PPP2R2C: variants seen among roughly 807,000 people sequenced by gnomAD.
PPP2R2C encodes protein phosphatase 2 regulatory subunit Bgamma.
PPP2R2C carries 10 observed loss-of-function variants against 45.3 expected under a neutral mutation model. That is an observed-to-expected ratio of 0.22 (90% CI 0.14 to 0.37). The LOEUF (loss-of-function observed/expected upper bound fraction) is 0.37. Ranked by LOEUF, PPP2R2C falls within the 10% of genes least tolerant of loss-of-function variation. PPP2R2C has a pLI of 1.00. For missense variants in PPP2R2C, 308 were observed against 619.7 expected (o/e 0.50, Z 5.34); for synonymous variants, 257 against 245.4 (o/e 1.05, Z -0.44).
chr4:6,462,195 C>G (rs1721362250), intron 1 of PPP2R2C, among the ~76,000 whole-genome samples: 1 of 152,222 alleles, frequency 6.6e-6, no homozygotes, highest in Non-Finnish European at 1.5e-5. Context: ...GGAATCCAGG[C>G]ACAAATTAGG....
chr4:6,533,724 C>A (rs1201696925), intron 2 of PPP2R2C, among the ~76,000 whole-genome samples: 7 of 152,150 alleles, frequency 4.6e-5, no homozygotes, highest in African/African-American at 1.7e-4. Context: ...GATGGCAGCA[C>A]GTTATTTATA....
intron 5 of PPP2R2C, chr4:6,351,392 C>T: frequency 1.0e-5 from 10 of 983,688 alleles, no homozygotes; most frequent in Non-Finnish European, 1.2e-5. Flanking sequence ...GTGGCAAACA[C>T]ACCCGAGCCA....
intron 1 of PPP2R2C, among the ~76,000 whole-genome samples, chr4:6,432,159 C>T (rs1358792661): frequency 6.6e-6 from 1 of 152,230 alleles, no homozygotes; most frequent in African/African-American, 2.4e-5. Flanking sequence ...TCTCTGGCTA[C>T]TCAGTCCCTC....
chr4:6,477,771 CTT>C (rs1722214717), intron 2 of PPP2R2C, among the ~76,000 whole-genome samples: 1 of 150,408 alleles, frequency 6.6e-6, no homozygotes, highest in Non-Finnish European at 1.5e-5. Context: ...TGGACCTCCT[CTT>C]TGTCTGCACT....
intron 1 of PPP2R2C, among the ~76,000 whole-genome samples, chr4:6,544,899 T>C (rs1724928142): frequency 6.6e-6 from 1 of 152,226 alleles, no homozygotes; most frequent in South Asian, 2.1e-4. Context: ...TTATTTTGTG[T>C]TGCTCCTACT....
Position 6,472,241 on chromosome 4 carries a change from C to T in PPP2R2C, c.-12G>A. 4 of 1,612,442 alleles carry T rather than the reference C, an allele frequency of 2.5e-6. No individual in the cohort carries two copies. The highest frequency in any genetic ancestry group is 3.4e-6 in the Non-Finnish European group (4 of 1,179,010). Reference sequence around the variant, plus strand: ...GTGTCCTCGCCCATTGAAGGCCGTGCCCGGTGCTCTGGGCATGCCCCGCCG... The same window carrying T: ...GTGTCCTCGCCCATTGAAGGCCGTGTCCGGTGCTCTGGGCATGCCCCGCCG... On this transcript the variant is annotated 5_prime_UTR_variant, in exon 1 of 9. Coordinates refer to ENST00000382599, the MANE Select transcript of PPP2R2C (RefSeq NM_020416.4).
At chr4:6,362,420 G>A (rs974654811) in intron 5 of PPP2R2C, among the ~76,000 whole-genome samples, 7 of 152,138 alleles carry the variant, frequency 4.6e-5, no homozygotes, top group African/African-American at 1.2e-4. Flanking sequence ...GGCCAGGGTC[G>A]CACACCTCTA....
rs1016407153 is a variant in PPP2R2C, at chr4:6,562,269, G to A, written c.-59+1291C>T. Reference sequence around the variant, plus strand: ...GCAACGGGCCCCACTCCCTGCCACAGCCCGTCCCCTCCATGTTGCTGACAG... The same window carrying A: ...GCAACGGGCCCCACTCCCTGCCACAACCCGTCCCCTCCATGTTGCTGACAG... On this transcript the variant is annotated intron_variant, in intron 1 of 9. Transcript: ENST00000506140. Among the ~76,000 whole-genome samples, 3 of 152,170 alleles carry A rather than the reference G, an allele frequency of 2.0e-5. No individual in the cohort carries two copies. The East Asian group carries it at 5.8e-4, about 29-fold the overall frequency.
chr4:6,381,384 A>C, intron 1 of PPP2R2C: 1 of 1,465,116 alleles, frequency 6.8e-7, no homozygotes, highest in Non-Finnish European at 9.1e-7. Context: ...TGGACACTCT[A>C]TGGGACTCAC....
intron 3 of PPP2R2C, among the ~76,000 whole-genome samples, chr4:6,376,510 T>C (rs1715316217): frequency 6.6e-6 from 1 of 151,904 alleles, no homozygotes; most frequent in African/African-American, 2.4e-5. Context: ...TGGAGTGCAG[T>C]GGCACCATCT....
chr4:6,372,259 C>G (rs1714891341), intron 5 of PPP2R2C, among the ~76,000 whole-genome samples: 1 of 152,220 alleles, frequency 6.6e-6, no homozygotes, highest in South Asian at 2.1e-4. Context: ...TTGTGAGGCC[C>G]TAGGATGAGG....
chr4:6,410,789 C>T (rs1298085999), intron 1 of PPP2R2C, among the ~76,000 whole-genome samples: 1 of 152,134 alleles, frequency 6.6e-6, no homozygotes, highest in Non-Finnish European at 1.5e-5. Context: ...GAACATTGAT[C>T]TCACTAGATC....
At chr4:6,404,466 A>G (rs1717654966) in intron 1 of PPP2R2C, among the ~76,000 whole-genome samples, 1 of 152,212 alleles carries the variant, frequency 6.6e-6, no homozygotes, top group African/African-American at 2.4e-5. Context: ...CTTTGCAGAT[A>G]CAAAGTGTGT....
rs143109305 is a variant in PPP2R2C at position 6,403,326 on chromosome 4, G to A, written c.71-22232C>T. Among the ~76,000 whole-genome samples the A allele has an allele frequency of 3.5e-3, 535 of 152,310 alleles. 7 individuals are homozygous for A. The highest frequency in any genetic ancestry group is 0.012 in the African/African-American group (509 of 41,544). ...GCGGAGCGGAGCCCCTTAGAAACTGGTTTGGCAACAAGAATTACTCCCTGG... is the reference window on the plus strand; with the variant it reads ...GCGGAGCGGAGCCCCTTAGAAACTGATTTGGCAACAAGAATTACTCCCTGG... On this transcript the variant is annotated intron_variant, in intron 1 of 8. Coordinates refer to ENST00000382599, the MANE Select transcript of PPP2R2C (RefSeq NM_020416.4).
intron 1 of PPP2R2C, among the ~76,000 whole-genome samples, chr4:6,540,638 G>C (rs1023374154): frequency 8.5e-5 from 13 of 152,222 alleles, no homozygotes; most frequent in African/African-American, 3.1e-4. Flanking sequence ...TTAACCTTTT[G>C]AGGAACTGCC....
At chr4:6,450,174 C>T (rs551375488) in intron 1 of PPP2R2C, among the ~76,000 whole-genome samples, 310 of 152,266 alleles carry the variant, frequency 2.0e-3, no homozygotes, top group Non-Finnish European at 3.3e-3. Context: ...GTGCAGCCCT[C>T]GGCAAGAAGC....
chr4:6,502,274 C>T (rs1723083855), intron 2 of PPP2R2C, among the ~76,000 whole-genome samples: 1 of 152,202 alleles, frequency 6.6e-6, no homozygotes, highest in Non-Finnish European at 1.5e-5. Flanking sequence ...ACTTGAAGTC[C>T]ACAGGGGCTT....
chr4:6,482,739 G>A (rs950176833), intron 2 of PPP2R2C, among the ~76,000 whole-genome samples: 4 of 152,110 alleles, frequency 2.6e-5, no homozygotes, highest in Non-Finnish European at 4.4e-5. Context: ...CTGTCTAGTC[G>A]TTAGTTCCAA....
At chr4:6,539,434 C>T (rs534545521) in intron 1 of PPP2R2C, among the ~76,000 whole-genome samples, 10 of 152,316 alleles carry the variant, frequency 6.6e-5, no homozygotes, top group East Asian at 1.9e-4. Context: ...TTTGCTCTGG[C>T]GGCCACAGGG....
Sources: gnomAD v4.1 joint callset for allele counts (sites outside exome capture counted in the v4.1 genomes callset) on GRCh38, gnomAD v4.1.1 for gene constraint, MANE v1.5 for transcripts, NCBI Gene and HGNC (gene_info 2026-07-23, HGNC 2026-07-21) for gene names.